Variants in DGKB observed in about 807,000 individuals in gnomAD.
The protein encoded by DGKB is diacylglycerol kinase beta, also known as 90 kDa diacylglycerol kinase.
In DGKB, 67 loss-of-function variants were observed where a neutral mutation model predicts 114.3. That is an observed-to-expected ratio of 0.59 (90% confidence interval 0.48 to 0.72). The LOEUF is 0.72. Among genes scored for constraint, DGKB ranks in the 30% least tolerant of loss-of-function variants. DGKB has a pLI of 0.00. For missense variants in DGKB, 907 were observed against 975.2 expected, an observed-to-expected ratio of 0.93 and a Z score of 0.93; for synonymous variants, 398 against 323.1, an observed-to-expected ratio of 1.23 and a Z score of -2.49.
intron 9 of DGKB, among the ~76,000 whole-genome samples, chr7:14,693,657 C>T (rs908398450): frequency 2.0e-5 from 3 of 151,500 alleles, no homozygotes; most frequent in African/African-American, 4.8e-5. Context: ...TAACTGCCTC[C>T]TCCAAGTATC....
intron 1 of DGKB, among the ~76,000 whole-genome samples, chr7:14,922,210 A>G (rs1460198449): frequency 6.6e-6 from 1 of 152,156 alleles, no homozygotes; most frequent in Non-Finnish European, 1.5e-5. Context: ...CAGATAATTA[A>G]AAAGGCTAAA....
rs1330109362 is a variant in DGKB, at chr7:14,964,948, A to T, written c.-188+9748T>A. The stretch of plus-strand genomic sequence containing the variant: ...AATGATTACAATTTGAATAGCATAA[A>T]GAAGATAAAATAAATAAGGGATATG... On this transcript the variant is annotated intron_variant, in intron 1 of 4. Coordinates refer to the DGKB transcript ENST00000437998. Among the ~76,000 whole-genome samples, 4 of 152,198 alleles carry T rather than the reference A, an allele frequency of 2.6e-5. No individual in the cohort carries two copies. The East Asian group carries it at 7.7e-4, about 29-fold the overall frequency.
chr7:14,431,261 T>C (rs1828410315), intron 21 of DGKB, among the ~76,000 whole-genome samples: 1 of 152,178 alleles, frequency 6.6e-6, no homozygotes, highest in African/African-American at 2.4e-5. Context: ...CATTCTGCAG[T>C]GTAACTTTTA....
intron 20 of DGKB, among the ~76,000 whole-genome samples, chr7:14,545,194 A>G (rs1166491121): frequency 6.6e-6 from 1 of 152,156 alleles, no homozygotes; most frequent in African/African-American, 2.4e-5. Context: ...TGTTAGGCTA[A>G]TAACATGATA....
chr7:14,900,339 TG>T (rs1200698893), intron 1 of DGKB, among the ~76,000 whole-genome samples: 1 of 152,172 alleles, frequency 6.6e-6, no homozygotes, highest in Non-Finnish European at 1.5e-5. Flanking sequence ...GAGTTTGCTC[TG>T]GGCAAGTGCT....
chr7:14,313,094 T>G (rs1364771090), intron 23 of DGKB, among the ~76,000 whole-genome samples: 1 of 152,236 alleles, frequency 6.6e-6, no homozygotes, highest in East Asian at 1.9e-4. Context: ...TATTTCACAT[T>G]GCAAGTAACC....
At chr7:14,877,096 C>T (rs1853406419) in intron 1 of DGKB, among the ~76,000 whole-genome samples, 2 of 152,226 alleles carry the variant, frequency 1.3e-5, no homozygotes, top group African/African-American at 2.4e-5. Flanking sequence ...ACTTTTTTCT[C>T]ATATAACAAT....
chr7:14,243,387 G>A (rs1277282820), intron 23 of DGKB, among the ~76,000 whole-genome samples: 2 of 152,150 alleles, frequency 1.3e-5, no homozygotes, highest in Non-Finnish European at 2.9e-5. Context: ...ATAAAAACTT[G>A]TGGTGAGAAT....
chr7:14,945,898 G>A (rs115700050), intron 1 of DGKB, among the ~76,000 whole-genome samples: 3 of 151,318 alleles, frequency 2.0e-5, no homozygotes, highest in Non-Finnish European at 3.0e-5. Flanking sequence ...AAGTCACAAC[G>A]TTTTCCTGAA....
chr7:14,738,329 C>T lies in DGKB; in HGVS notation c.169-2135G>A, dbSNP rs548880148. On this transcript the variant is annotated intron_variant, in intron 4 of 25. Coordinates refer to ENST00000402815, the MANE Select transcript of DGKB (RefSeq NM_001350709.2). ...AGCAAAGTTACTTATGGTAGCGCTT[C>T]CTTCTGTTCCTAGGTCTTCCATAAT... Among the ~76,000 whole-genome samples the T allele has an allele frequency of 2.6e-5, 4 of 152,292 alleles. No individual in the cohort carries two copies. The South Asian group carries it at 8.3e-4, about 32-fold the overall frequency.
At position 14,601,434 on chromosome 7, in the gene DGKB, G is replaced by T. The variant is rs138705082; in HGVS notation, c.1433+6000C>A. ...TGAATAGCATTCTAGATTCCTTCTA[G>T]ACATACTAATCTACCCAAACTTTCA... is the stretch of plus-strand genomic sequence containing the variant. On this transcript the variant is annotated intron_variant, in intron 17 of 25. Coordinates refer to ENST00000402815, the MANE Select transcript of DGKB (RefSeq NM_001350709.2). Among the ~76,000 whole-genome samples the T allele has an allele frequency of 4.9e-3, 741 of 152,130 alleles. 2 individuals are homozygous for T. The highest frequency in any genetic ancestry group is 7.6e-3 in the Non-Finnish European group (514 of 68,008).
intron 25 of DGKB, among the ~76,000 whole-genome samples, chr7:14,169,896 C>A (rs953689009): frequency 1.3e-5 from 2 of 151,910 alleles, no homozygotes; most frequent in South Asian, 2.1e-4. Flanking sequence ...GCACTTTGGG[C>A]AGCCAAGGTG....
chr7:14,612,727 A>G (rs929333250), intron 16 of DGKB, among the ~76,000 whole-genome samples: 2 of 152,088 alleles, frequency 1.3e-5, no homozygotes, highest in Non-Finnish European at 2.9e-5. Context: ...TATGACTGTC[A>G]TCTTTAGGAA....
intron 12 of DGKB, 109 bp downstream of exon 12, chr7:14,682,444 C>A: frequency 4.1e-6 from 3 of 736,730 alleles, no homozygotes; most frequent in South Asian, 1.7e-5. Context: ...TGGTTTTATG[C>A]TTACACTCAG....
rs538564532 is a variant in DGKB, at chr7:14,726,440, G to C, written c.323-7755C>G. Among the ~76,000 whole-genome samples the C allele has an allele frequency of 1.2e-4, 19 of 152,218 alleles. No homozygotes were observed. The East Asian group carries it at 3.7e-3, about 29-fold the overall frequency. On this transcript the variant is annotated intron_variant, in intron 5 of 25. Coordinates refer to ENST00000402815, the MANE Select transcript of DGKB (RefSeq NM_001350709.2). ...GAGCCACCGTGCCCGGCCAGAATCG[G>C]AGTTTTATACTCTAAGCATGATTCT...
chr7:14,664,549 C>A (rs1034977673), intron 13 of DGKB, among the ~76,000 whole-genome samples: 3 of 152,048 alleles, frequency 2.0e-5, no homozygotes, highest in Non-Finnish European at 4.4e-5. Context: ...CTCACCCTTA[C>A]ACATGCCCTT....
chr7:14,593,373 G>C (rs1802010258), intron 17 of DGKB, among the ~76,000 whole-genome samples: 1 of 151,956 alleles, frequency 6.6e-6, no homozygotes, highest in African/African-American at 2.4e-5. Context: ...TGAAAGGTCA[G>C]TAAATGACAG....
At chr7:14,470,210 C>T (rs1398608113) in intron 21 of DGKB, among the ~76,000 whole-genome samples, 2 of 151,660 alleles carry the variant, frequency 1.3e-5, no homozygotes, top group African/African-American at 4.8e-5. Flanking sequence ...TCAAAAGGTC[C>T]CTGCACAACA....
intron 23 of DGKB, among the ~76,000 whole-genome samples, chr7:14,308,901 C>T (rs147647327): frequency 2.0e-3 from 302 of 152,244 alleles, no homozygotes; most frequent in African/African-American, 6.9e-3. Context: ...GTTAAATAGT[C>T]TGAGTTTCTT....
Sources: allele counts gnomAD v4.1 joint callset (sites outside exome capture counted in the v4.1 genomes callset), GRCh38; gene constraint gnomAD v4.1.1; transcripts MANE v1.5; gene names NCBI Gene and HGNC (gene_info 2026-07-23, HGNC 2026-07-21).